CNTN4: variants seen among roughly 807,000 people sequenced by gnomAD.
The protein encoded by CNTN4 is contactin-4.
In CNTN4, 77 loss-of-function variants were observed where a neutral mutation model predicts 122.5. That is an observed-to-expected ratio of 0.63 (90% confidence interval 0.52 to 0.76). CNTN4 has a LOEUF of 0.76. Ranked by LOEUF, CNTN4 falls within the 30% of genes least tolerant of loss-of-function variation. The pLI is 0.00. For synonymous variants in CNTN4, 512 were observed against 447.0 expected (o/e 1.15, Z -1.83); for missense variants, 1,256 against 1,259.1 (o/e 1.00, Z 0.04).
chr3:2,432,662 G>A (rs530740268), intron 3 of CNTN4, among the ~76,000 whole-genome samples: 43 of 151,854 alleles, frequency 2.8e-4, no homozygotes, highest in Non-Finnish European at 5.4e-4. Context: ...ATATGTGTGT[G>A]TATATATATG....
intron 2 of CNTN4, among the ~76,000 whole-genome samples, chr3:2,210,844 G>T (rs1004359165): frequency 1.3e-5 from 2 of 152,178 alleles, no homozygotes; most frequent in Admixed American, 6.5e-5. Flanking sequence ...ATTAACTGTT[G>T]TATCTTCAGA....
intron 2 of CNTN4, among the ~76,000 whole-genome samples, chr3:2,274,887 A>G (rs1339451061): frequency 1.2e-5 from 1 of 86,064 alleles, no homozygotes; most frequent in African/African-American, 3.1e-5. Context: ...AAGAATGGGG[A>G]TCATATCCTG....
intron 2 of CNTN4, among the ~76,000 whole-genome samples, chr3:2,189,927 A>G (rs1011102901): frequency 2.0e-5 from 3 of 152,156 alleles, no homozygotes; most frequent in African/African-American, 7.2e-5. Flanking sequence ...GAGACTCATC[A>G]TTGCTCCTCA....
rs1403697488 is a variant in CNTN4, at chr3:2,337,757, A to G, written c.-144-1421A>G. Reference sequence around the variant, plus strand: ...TGTAATCTCTACCTTCTTTCTGTGAAGAAGAAAAAATATATATGACAAATT... The same window carrying G: ...TGTAATCTCTACCTTCTTTCTGTGAGGAAGAAAAAATATATATGACAAATT... On this transcript the variant is annotated intron_variant, in intron 2 of 24. Coordinates refer to ENST00000418658, the MANE Select transcript of CNTN4 (RefSeq NM_175607.3). Among the ~76,000 whole-genome samples, 12 of 152,176 alleles carry G rather than the reference A, an allele frequency of 7.9e-5. No homozygotes were observed. In the East Asian group the frequency reaches 2.3e-3, roughly 29 times the overall value.
intron 14 of CNTN4, 139 bp from the exon 15 acceptor site, chr3:3,025,963 A>G: frequency 1.3e-6 from 1 of 786,844 alleles, no homozygotes; most frequent in East Asian, 2.7e-5. Flanking sequence ...CAGATGACTG[A>G]GGTTTGCTGG....
At chr3:2,508,526 A>T (rs959481661) in intron 3 of CNTN4, among the ~76,000 whole-genome samples, 1 of 152,172 alleles carries the variant, frequency 6.6e-6, no homozygotes, top group African/African-American at 2.4e-5. Flanking sequence ...TTTGAGCTGT[A>T]TTTAGCTTGG....
At chr3:2,190,278 T>C (rs1051091104) in intron 2 of CNTN4, among the ~76,000 whole-genome samples, 1 of 151,580 alleles carries the variant, frequency 6.6e-6, no homozygotes. Flanking sequence ...AGCAGTTGGG[T>C]GGATCTAGGG....
chr3:2,826,579 G>A (rs941653376), intron 7 of CNTN4, among the ~76,000 whole-genome samples: 3 of 152,106 alleles, frequency 2.0e-5, no homozygotes, highest in Admixed American at 6.5e-5. Context: ...GTGGTCTTGG[G>A]CCAATTATGT....
At position 2,645,471 on chromosome 3, in the gene CNTN4, A is replaced by T. The variant is rs139122371; in HGVS notation, c.55+73913A>T. On this transcript the variant is annotated intron_variant, in intron 4 of 24. Coordinates refer to ENST00000418658, the MANE Select transcript of CNTN4 (RefSeq NM_175607.3). ...ATTTATTCTTTTTTCATGCTGTTAA[A>T]GCAAATTGGTATGTAATTAGATTTA... Among the ~76,000 whole-genome samples the T allele has an allele frequency of 8.5e-3, 1,299 of 152,336 alleles. 22 individuals are homozygous for T. Among genetic ancestry groups the T allele is most frequent in the African/African-American group, 0.029 (1,200 of 41,588 alleles).
intron 3 of CNTN4, among the ~76,000 whole-genome samples, chr3:2,344,144 G>A (rs918176812): frequency 2.6e-5 from 4 of 152,112 alleles, no homozygotes; most frequent in African/African-American, 7.2e-5. Flanking sequence ...ATTTCGACAC[G>A]ACATTTGGAG....
At chr3:2,786,010 C>G (rs568798240) in intron 6 of CNTN4, among the ~76,000 whole-genome samples, 1 of 151,304 alleles carries the variant, frequency 6.6e-6, no homozygotes, top group African/African-American at 2.4e-5. Context: ...GAAGAACCAG[C>G]TGGGCATCGG....
At chr3:3,005,940 C>T (rs1353704100) in intron 14 of CNTN4, among the ~76,000 whole-genome samples, 1 of 147,756 alleles carries the variant, frequency 6.8e-6, no homozygotes, top group Non-Finnish European at 1.5e-5. Flanking sequence ...GGCTGGAGTG[C>T]AGTGGCACGA....
intron 2 of CNTN4, among the ~76,000 whole-genome samples, chr3:2,107,425 G>A (rs541535335): frequency 6.6e-6 from 1 of 152,234 alleles, no homozygotes; most frequent in Admixed American, 6.5e-5. Context: ...TTACATGGCA[G>A]CAAGCAAGAG....
At chr3:3,031,220 G>A (rs113519977) in intron 16 of CNTN4, among the ~76,000 whole-genome samples, 9 of 152,246 alleles carry the variant, frequency 5.9e-5, no homozygotes, top group Non-Finnish European at 8.8e-5. Flanking sequence ...TGAGTAAATC[G>A]AGTACCCGAT....
chr3:3,052,395 A>T (rs1701355084), intron 23 of CNTN4, among the ~76,000 whole-genome samples: 1 of 152,016 alleles, frequency 6.6e-6, no homozygotes. Flanking sequence ...GTGAGGCAAA[A>T]TTGCTCCCCT....
chr3:2,219,366 A>T (rs2038972306), intron 2 of CNTN4, among the ~76,000 whole-genome samples: 1 of 152,176 alleles, frequency 6.6e-6, no homozygotes, highest in South Asian at 2.1e-4. Context: ...AACCAGTCAG[A>T]TATTCTCTAA....
chr3:2,622,180 A>G (rs963848374), intron 4 of CNTN4, among the ~76,000 whole-genome samples: 1 of 152,132 alleles, frequency 6.6e-6, no homozygotes, highest in Non-Finnish European at 1.5e-5. Context: ...TCCTGTACTC[A>G]CTATGGCAGT....
chr3:2,797,420 A>G (rs1334672602), intron 6 of CNTN4, among the ~76,000 whole-genome samples: 3 of 152,176 alleles, frequency 2.0e-5, no homozygotes, highest in Non-Finnish European at 4.4e-5. Flanking sequence ...CAACATGATG[A>G]AACCCTGTCT....
At chr3:2,876,079 A>C (rs2093841320) in intron 8 of CNTN4, among the ~76,000 whole-genome samples, 1 of 152,156 alleles carries the variant, frequency 6.6e-6, no homozygotes, top group Non-Finnish European at 1.5e-5. Flanking sequence ...AAATCATAAG[A>C]TTTATTTTCA....
Sources: gnomAD v4.1 joint callset for allele counts (sites outside exome capture counted in the v4.1 genomes callset) on GRCh38, gnomAD v4.1.1 for gene constraint, MANE v1.5 for transcripts, NCBI Gene and HGNC (gene_info 2026-07-23, HGNC 2026-07-21) for gene names.